ADAM12: variants seen among roughly 807,000 people sequenced by gnomAD.
The protein encoded by ADAM12 is ADAM metallopeptidase domain 12.
ADAM12 carries 70 observed loss-of-function variants against 106.4 expected under a neutral mutation model. That is an observed-to-expected ratio of 0.66 (90% CI 0.54 to 0.80). ADAM12 has a LOEUF of 0.80. ADAM12 is among the 30% of genes least tolerant of loss of function. The probability of loss-of-function intolerance (pLI) is 0.00; values close to 1 mark genes in which losing one functional copy is unlikely to be tolerated. For missense variants in ADAM12, 1,010 were observed against 1,171.9 expected, an observed-to-expected ratio of 0.86 and a Z score of 2.02; for synonymous variants, 420 against 433.5, an observed-to-expected ratio of 0.97 and a Z score of 0.39.
At chr10:126,273,084 T>C (rs1453443244) in intron 3 of ADAM12, 3 of 153,946 alleles carry the variant, frequency 1.9e-5, no homozygotes, top group Non-Finnish European at 4.3e-5. Context: ...GGAACAGTGA[T>C]CTCCCAGCAA....
intron 1 of ADAM12, among the ~76,000 whole-genome samples, chr10:126,359,910 C>T (rs1564754666): frequency 6.6e-6 from 1 of 152,216 alleles, no homozygotes; most frequent in African/African-American, 2.4e-5. Flanking sequence ...AAACTTCTGC[C>T]TGGGCATCCA....
At chr10:126,206,790 G>A (rs1002639537) in intron 3 of ADAM12, among the ~76,000 whole-genome samples, 38 of 139,222 alleles carry the variant, frequency 2.7e-4, no homozygotes, top group African/African-American at 8.8e-4. Context: ...AAAGTGATAC[G>A]GTTTGGCTGT....
At chr10:126,335,820 C>T (rs11244959) in intron 1 of ADAM12, among the ~76,000 whole-genome samples, 6,033 of 152,212 alleles carry the variant, frequency 0.04, 420 homozygotes, top group African/African-American at 0.14. Flanking sequence ...GTGGATGGTA[C>T]GACCCTTGAC....
chr10:126,369,898 A>G (rs1856050782), intron 1 of ADAM12, among the ~76,000 whole-genome samples: 1 of 152,180 alleles, frequency 6.6e-6, no homozygotes, highest in East Asian at 1.9e-4. Flanking sequence ...TAACCAGTAG[A>G]CTATAGCAAT....
chr10:126,113,273 G>A (rs1276194230), intron 6 of ADAM12, among the ~76,000 whole-genome samples: 1 of 152,156 alleles, frequency 6.6e-6, no homozygotes, highest in East Asian at 1.9e-4. Flanking sequence ...ACGAGAGGAG[G>A]TGGAAGATGG....
intron 17 of ADAM12, among the ~76,000 whole-genome samples, chr10:126,044,225 C>T (rs896458586): frequency 2.0e-5 from 3 of 151,158 alleles, no homozygotes; most frequent in African/African-American, 4.9e-5. Flanking sequence ...CACTTGAGGC[C>T]AGGAGTTCAA....
chr10:126,129,592 C>T (rs1956267658), intron 5 of ADAM12, among the ~76,000 whole-genome samples: 2 of 152,148 alleles, frequency 1.3e-5, no homozygotes, highest in Admixed American at 1.3e-4. Context: ...GCCACCAGAG[C>T]AAATTGGGAA....
chr10:126,352,128 A>G (rs1248726180), intron 1 of ADAM12, among the ~76,000 whole-genome samples: 1 of 152,138 alleles, frequency 6.6e-6, no homozygotes, highest in East Asian at 1.9e-4. Context: ...GGAACAAATT[A>G]TTCACTTTTC....
At chr10:126,180,873 T>C (rs1387645496) in intron 3 of ADAM12, among the ~76,000 whole-genome samples, 2 of 152,156 alleles carry the variant, frequency 1.3e-5, no homozygotes. Context: ...ACTAATACAC[T>C]TTCATTATTT....
At chr10:126,180,300 C>T (rs1957290467) in intron 3 of ADAM12, among the ~76,000 whole-genome samples, 1 of 152,158 alleles carries the variant, frequency 6.6e-6, no homozygotes, top group East Asian at 1.9e-4. Context: ...GTCTGAGCAA[C>T]AGCAAGGAAG....
chr10:126,346,966 C>G (rs1435794210), intron 1 of ADAM12, among the ~76,000 whole-genome samples: 2 of 152,182 alleles, frequency 1.3e-5, no homozygotes, highest in Non-Finnish European at 2.9e-5. Context: ...TGGGTCTTGA[C>G]TCTTCATCCA....
chr10:126,281,159 T>C (rs1225198395), intron 2 of ADAM12, among the ~76,000 whole-genome samples: 2 of 152,184 alleles, frequency 1.3e-5, no homozygotes, highest in Non-Finnish European at 2.9e-5. Context: ...AAGAACAAGA[T>C]TATTAATTAT....
intron 4 of ADAM12, among the ~76,000 whole-genome samples, chr10:126,140,445 TG>T (rs1956488809): frequency 6.6e-6 from 1 of 152,228 alleles, no homozygotes; most frequent in Non-Finnish European, 1.5e-5. Context: ...ACAACTCACT[TG>T]AAGTATTGCT....
intron 18 of ADAM12, chr10:126,042,125 G>T: frequency 6.2e-7 from 1 of 1,613,174 alleles, no homozygotes; most frequent in Non-Finnish European, 8.5e-7. Flanking sequence ...CCATGTCATG[G>T]GAGGGCTCAG....
chr10:126,272,094 C>T (rs1465619760), intron 3 of ADAM12, among the ~76,000 whole-genome samples: 8 of 152,192 alleles, frequency 5.3e-5, no homozygotes, highest in Non-Finnish European at 1.0e-4. Context: ...CATACCTTCC[C>T]CTCCTGAGCA....
At chr10:126,149,252 C>T (rs1424858063) in intron 4 of ADAM12, among the ~76,000 whole-genome samples, 7 of 152,218 alleles carry the variant, frequency 4.6e-5, no homozygotes, top group East Asian at 1.9e-4. Context: ...ACACTATCAA[C>T]GCCCTGGAGC....
intron 1 of ADAM12, among the ~76,000 whole-genome samples, chr10:126,345,980 T>A (rs1855123534): frequency 6.6e-6 from 1 of 152,220 alleles, no homozygotes; most frequent in Non-Finnish European, 1.5e-5. Context: ...GCTCCTGGAT[T>A]CATTGATTTT....
At chr10:126,153,026 C>A (rs932142107) in intron 4 of ADAM12, among the ~76,000 whole-genome samples, 1 of 152,182 alleles carries the variant, frequency 6.6e-6, no homozygotes, top group African/African-American at 2.4e-5. Flanking sequence ...TTTACTAGTG[C>A]CTCTGACTTC....
In ADAM12 at chr10:126,152,843, C is replaced by CTCTTTT. The variant is rs1491110225; in HGVS notation, c.339+2383_339+2384insAAAAGA. Among the ~76,000 whole-genome samples, 5 of 152,274 alleles carry CTCTTTT rather than the reference C, an allele frequency of 3.3e-5. No individual in the cohort carries two copies. The East Asian group carries it at 9.6e-4, about 29-fold the overall frequency. On this transcript the variant is annotated intron_variant, in intron 4 of 22. Coordinates refer to ENST00000448723, the MANE Select transcript of ADAM12 (RefSeq NM_001288973.2). ...GTTATACTTAAAATTGCAGGACACACTCTTATCAAAATCTAAAGTTAATCA... is the reference window on the plus strand; with the variant it reads ...GTTATACTTAAAATTGCAGGACACACTCTTTTTCTTATCAAAATCTAAAGTTAATCA...
Sources: gnomAD v4.1 joint callset for allele counts (sites outside exome capture counted in the v4.1 genomes callset) on GRCh38, gnomAD v4.1.1 for gene constraint, MANE v1.5 for transcripts, NCBI Gene and HGNC (gene_info 2026-07-23, HGNC 2026-07-21) for gene names.